RBMS3: variants seen among roughly 807,000 people sequenced by gnomAD.
The protein encoded by RBMS3 is RNA-binding motif, single-stranded-interacting protein 3.
RBMS3 carries 27 observed loss-of-function variants against 66.8 expected under a neutral mutation model. That is an observed-to-expected ratio of 0.40 (90% CI 0.30 to 0.56). The LOEUF (loss-of-function observed/expected upper bound fraction) is 0.56. RBMS3 is among the 20% of genes least tolerant of loss of function. The pLI is 0.40. For missense variants in RBMS3, 513 were observed against 549.5 expected, an observed-to-expected ratio of 0.93 and a Z score of 0.66; for synonymous variants, 188 against 183.0, an observed-to-expected ratio of 1.03 and a Z score of -0.22.
chr3:29,836,751 T>C (rs2058518852), intron 6 of RBMS3, among the ~76,000 whole-genome samples: 1 of 151,384 alleles, frequency 6.6e-6, no homozygotes, highest in Admixed American at 6.6e-5. Context: ...GATATGCATG[T>C]TAATTAGCTT....
intron 3 of RBMS3, among the ~76,000 whole-genome samples, chr3:29,537,250 A>G (rs148206195): frequency 3.9e-4 from 59 of 152,300 alleles, no homozygotes; most frequent in African/African-American, 1.3e-3. Flanking sequence ...TTCCAGTGGA[A>G]TTTGAAATGG....
chr3:29,710,181 G>T (rs1305997436), intron 4 of RBMS3, among the ~76,000 whole-genome samples: 1 of 152,018 alleles, frequency 6.6e-6, no homozygotes, highest in Non-Finnish European at 1.5e-5. Flanking sequence ...AAGTTTTTTT[G>T]ATTTGCCTTT....
At chr3:29,857,618 G>A (rs1380725495) in intron 6 of RBMS3, among the ~76,000 whole-genome samples, 1 of 148,936 alleles carries the variant, frequency 6.7e-6, no homozygotes, top group East Asian at 2.0e-4. Context: ...CATTATAGAA[G>A]TAATATTAAG....
intron 10 of RBMS3, among the ~76,000 whole-genome samples, chr3:29,925,999 A>G (rs1176588153): frequency 6.6e-6 from 1 of 152,230 alleles, no homozygotes; most frequent in Non-Finnish European, 1.5e-5. Flanking sequence ...AACAAGATAA[A>G]GCTGTCTTTT....
chr3:29,415,951 AAAAAAGGACATG>A (rs1216422644), intron 1 of RBMS3, among the ~76,000 whole-genome samples: 1 of 152,260 alleles, frequency 6.6e-6, no homozygotes, highest in East Asian at 1.9e-4. Context: ...AAAAGTGTCC[AAAAAAGGACATG>A]AAGGGGCATG....
chr3:29,841,954 T>C (rs1201806942), intron 6 of RBMS3, among the ~76,000 whole-genome samples: 1 of 152,084 alleles, frequency 6.6e-6, no homozygotes, highest in Non-Finnish European at 1.5e-5. Context: ...AGTAATTACT[T>C]GTCTTTTTCA....
intron 1 of RBMS3, among the ~76,000 whole-genome samples, chr3:29,316,411 A>T (rs1215726720): frequency 2.0e-5 from 3 of 151,648 alleles, no homozygotes; most frequent in Non-Finnish European, 4.4e-5. Context: ...CAAAGATAAC[A>T]CTCTTCTATG....
intron 4 of RBMS3, among the ~76,000 whole-genome samples, chr3:29,708,823 C>G (rs1228920470): frequency 1.3e-5 from 2 of 152,188 alleles, no homozygotes; most frequent in African/African-American, 4.8e-5. Context: ...ATCCACACAT[C>G]CCTTCAGTGA....
intron 6 of RBMS3, among the ~76,000 whole-genome samples, chr3:29,851,232 T>C (rs1314894124): frequency 3.3e-5 from 5 of 152,224 alleles, no homozygotes; most frequent in African/African-American, 1.2e-4. Context: ...AGTCTAGTTA[T>C]ATGGGATTTA....
chr3:29,538,084 A>G (rs1178065484), intron 3 of RBMS3, among the ~76,000 whole-genome samples: 10 of 152,204 alleles, frequency 6.6e-5, no homozygotes, highest in Admixed American at 6.5e-4. Context: ...GCCCTAGGGT[A>G]ACATGTCATT....
intron 1 of RBMS3, among the ~76,000 whole-genome samples, chr3:29,366,672 G>A (rs1340310152): frequency 6.6e-6 from 1 of 152,096 alleles, no homozygotes; most frequent in African/African-American, 2.4e-5. Flanking sequence ...ACCACACCTG[G>A]CGATATCCAA....
chr3:29,715,811 G>A (rs1178413723), intron 4 of RBMS3, among the ~76,000 whole-genome samples: 1 of 152,072 alleles, frequency 6.6e-6, no homozygotes, highest in Non-Finnish European at 1.5e-5. Flanking sequence ...TGTTCAATGA[G>A]GGGATTGTCC....
chr3:29,507,609 C>G (rs1172888271), intron 3 of RBMS3, among the ~76,000 whole-genome samples: 1 of 152,076 alleles, frequency 6.6e-6, no homozygotes, highest in Non-Finnish European at 1.5e-5. Context: ...GTTGACATGT[C>G]TCTCTCCTCT....
At chr3:29,757,396 A>G (rs1207505590) in intron 5 of RBMS3, among the ~76,000 whole-genome samples, 1 of 152,222 alleles carries the variant, frequency 6.6e-6, no homozygotes, top group Non-Finnish European at 1.5e-5. Flanking sequence ...TCAAATGTTG[A>G]CAACCATTTC....
In RBMS3 at chr3:29,532,237, C is replaced by T. The variant is rs562903464; in HGVS notation, c.307+43738C>T. Among the ~76,000 whole-genome samples, 211 of 92,108 alleles carry T rather than the reference C, an allele frequency of 2.3e-3. 2 individuals carry two copies. The highest frequency in any genetic ancestry group is 0.012 in the African/African-American group (198 of 15,936). 60.4% of individuals were successfully genotyped at this position (92,108 alleles called of 152,430 possible). ...ATCTTTCAGTCTTATTTTAATTTCGCATATATATGTATATATATATATATG... is the reference window on the plus strand; with the variant it reads ...ATCTTTCAGTCTTATTTTAATTTCGTATATATATGTATATATATATATATG... On this transcript the variant is annotated intron_variant, in intron 3 of 14. Coordinates refer to ENST00000383767, the MANE Select transcript of RBMS3 (RefSeq NM_001003793.3).
intron 1 of RBMS3, among the ~76,000 whole-genome samples, chr3:29,384,435 T>TAATAATAATAATAAGAAGAAG (rs776357215): frequency 1.5e-3 from 207 of 141,094 alleles, no homozygotes; most frequent in South Asian, 5.6e-3. Context: ...ATAATAATAA[T>TAATAATAATAATAAGAAGAAG]AAGAAGAAGA....
At chr3:29,633,121 A>G (rs1440528) in intron 4 of RBMS3, among the ~76,000 whole-genome samples, 14,162 of 151,822 alleles carry the variant, frequency 0.093, 1,188 homozygotes, top group East Asian at 0.35. Context: ...ACATAACCAT[A>G]ACTGCCTTTA....
At chr3:29,730,991 C>T in intron 4 of RBMS3, 2 of 985,348 alleles carry the variant, frequency 2.0e-6, no homozygotes, top group Non-Finnish European at 2.4e-6. Flanking sequence ...CCAATCTGGC[C>T]ACCTGTTCCA....
At chr3:29,552,737 A>C (rs2046217396) in intron 3 of RBMS3, among the ~76,000 whole-genome samples, 1 of 152,230 alleles carries the variant, frequency 6.6e-6, no homozygotes, top group South Asian at 2.1e-4. Flanking sequence ...TTAATCCCTA[A>C]GACATTATAA....
Sources: allele counts gnomAD v4.1 joint callset (sites outside exome capture counted in the v4.1 genomes callset), GRCh38; gene constraint gnomAD v4.1.1; transcripts MANE v1.5; gene names NCBI Gene and HGNC (gene_info 2026-07-23, HGNC 2026-07-21).